PREX1: variants seen among roughly 807,000 people sequenced by gnomAD.
The protein encoded by PREX1 is phosphatidylinositol 3,4,5-trisphosphate-dependent Rac exchanger 1 protein.
In PREX1, 41 loss-of-function variants were observed where a neutral mutation model predicts 198.3. That is an observed-to-expected ratio of 0.21 (90% CI 0.16 to 0.27). The LOEUF is 0.27. Ranked by LOEUF, PREX1 falls within the 10% of genes least tolerant of loss-of-function variation. PREX1 has a pLI of 1.00. For missense variants in PREX1, 1,620 were observed against 2,200.7 expected (o/e 0.74, Z 5.28); for synonymous variants, 843 against 887.2 (o/e 0.95, Z 0.89).
intron 4 of PREX1, among the ~76,000 whole-genome samples, chr20:48,728,009 AC>A (rs2090017494): frequency 6.6e-6 from 1 of 152,168 alleles, no homozygotes; most frequent in South Asian, 2.1e-4. Context: ...AAGTGAATGA[AC>A]TAACCAACTA....
chr20:48,750,548 G>T (rs1317758596), intron 1 of PREX1, among the ~76,000 whole-genome samples: 1 of 151,954 alleles, frequency 6.6e-6, no homozygotes. Context: ...CTATCCACCT[G>T]CCAAATACAC....
intron 1 of PREX1, among the ~76,000 whole-genome samples, chr20:48,749,903 A>AT (rs2090126737): frequency 6.6e-6 from 1 of 151,372 alleles, no homozygotes; most frequent in African/African-American, 2.4e-5. Flanking sequence ...AATGGGTTAA[A>AT]TCCCCTTTTT....
At chr20:48,655,898 C>T (rs1163093919) in intron 18 of PREX1, among the ~76,000 whole-genome samples, 1 of 152,200 alleles carries the variant, frequency 6.6e-6, no homozygotes, top group South Asian at 2.1e-4. Flanking sequence ...CCTGGAGCAT[C>T]AGTACCCTGC....
chr20:48,827,926 C>T lies in PREX1; in HGVS notation c.-66G>A, dbSNP rs1209980202. 5 of 681,444 alleles carry T rather than the reference C, an allele frequency of 7.3e-6. No individual in the cohort carries two copies. Among genetic ancestry groups the T allele is most frequent in the African/African-American group, 2.0e-5 (1 of 50,394 alleles). 42.2% of individuals were successfully genotyped at this position (681,444 alleles called of 1,614,324 possible). ...GAGCGGCAACTCAGGCGTCCAGGCG[C>T]CCCATCCCGGACGGGGCGCGCCGGC... is the stretch of plus-strand genomic sequence containing the variant. On this transcript the variant is annotated 5_prime_UTR_variant, in exon 1 of 40. Transcript: ENST00000371941. This position sits in a 1 kb window ranked among gnomAD's most constrained non-coding sequence, Gnocchi z 4.1.
intron 1 of PREX1, among the ~76,000 whole-genome samples, chr20:48,755,323 C>T (rs1285520586): frequency 1.3e-5 from 2 of 152,140 alleles, no homozygotes; most frequent in Non-Finnish European, 2.9e-5. Flanking sequence ...AGGAATGTGG[C>T]CAAAATTACT....
chr20:48,776,519 C>T (rs1414604258), intron 1 of PREX1, among the ~76,000 whole-genome samples: 4 of 152,206 alleles, frequency 2.6e-5, no homozygotes, highest in African/African-American at 7.2e-5. Flanking sequence ...GTCCACGGGG[C>T]GGGGCTGGGG....
In PREX1 at chr20:48,702,206, T is replaced by TTA. The variant is rs1491423224; in HGVS notation, c.784-1321_784-1320insTA. On this transcript the variant is annotated intron_variant, in intron 6 of 39. Coordinates refer to ENST00000371941, the MANE Select transcript of PREX1 (RefSeq NM_020820.4). ...CTGGGCGACTGAGCAGGACTCTGTC[T>TTA]AAAAAAAAAAAAAAAAAAGATAAAG... is the stretch of plus-strand genomic sequence containing the variant. Among the ~76,000 whole-genome samples, 88 of 122,826 alleles carry TTA rather than the reference T, an allele frequency of 7.2e-4. 2 individuals carry two copies. Among genetic ancestry groups the TTA allele is most frequent in the Non-Finnish European group, 2.9e-4 (17 of 58,216 alleles). 80.6% of individuals were successfully genotyped at this position (122,826 alleles called of 152,430 possible).
chr20:48,804,898 G>A (rs1031113459), intron 1 of PREX1, among the ~76,000 whole-genome samples: 13 of 152,194 alleles, frequency 8.5e-5, no homozygotes, highest in African/African-American at 1.4e-4. Context: ...GAGGAGTGGC[G>A]GGGAGGAGGC....
At chr20:48,658,707 A>G (rs6019349) in intron 16 of PREX1, among the ~76,000 whole-genome samples, 88,322 of 152,110 alleles carry the variant, frequency 0.58, 28,040 homozygotes, top group African/African-American at 0.85. Flanking sequence ...AACTATAAAC[A>G]AATAAACAAA....
intron 1 of PREX1, among the ~76,000 whole-genome samples, chr20:48,752,336 T>C (rs778101061): frequency 6.6e-5 from 10 of 152,244 alleles, no homozygotes; most frequent in Non-Finnish European, 1.5e-4. Flanking sequence ...TTTTTATAAG[T>C]AGCATGCTTT....
intron 1 of PREX1, among the ~76,000 whole-genome samples, chr20:48,796,542 A>G (rs6095298): frequency 0.38 from 57,395 of 151,658 alleles, 11,267 homozygotes; most frequent in Non-Finnish European, 0.42. Context: ...CTTGGAGGCT[A>G]ACATTTCATT....
chr20:48,872,756 T>A, the PREX1 span, among the ~76,000 whole-genome samples: 1 of 151,646 alleles, frequency 6.6e-6, no homozygotes, highest in East Asian at 1.9e-4. Flanking sequence ...AATAAACAAA[T>A]AAATAAATAA....
intron 1 of PREX1, among the ~76,000 whole-genome samples, chr20:48,793,626 C>T (rs1165162631): frequency 2.6e-5 from 4 of 152,130 alleles, no homozygotes; most frequent in South Asian, 2.1e-4. Context: ...GCTGCTTTAC[C>T]GGTCACAGCC....
At chr20:48,804,092 G>A (rs536987148) in intron 1 of PREX1, among the ~76,000 whole-genome samples, 7 of 152,274 alleles carry the variant, frequency 4.6e-5, no homozygotes, top group South Asian at 4.1e-4. Context: ...CGTTTCTGAC[G>A]CCCAGAAGAA....
intron 7 of PREX1, among the ~76,000 whole-genome samples, chr20:48,693,466 G>A (rs1029259100): frequency 2.5e-4 from 38 of 152,304 alleles, no homozygotes; most frequent in African/African-American, 8.4e-4. Flanking sequence ...ACCACGGGAG[G>A]ACACAGCAAG....
chr20:48,881,272 A>G, the PREX1 span, among the ~76,000 whole-genome samples: 2 of 152,074 alleles, frequency 1.3e-5, no homozygotes, highest in Non-Finnish European at 1.5e-5. Context: ...TACATTTAAC[A>G]TTTTTCCATA....
At chr20:48,833,632 A>G in the PREX1 span, among the ~76,000 whole-genome samples, 1 of 152,044 alleles carries the variant, frequency 6.6e-6, no homozygotes, top group Admixed American at 6.5e-5. Context: ...AGTAGAGACA[A>G]GATTTCACCA....
chr20:48,798,565 C>T (rs1194997444), intron 1 of PREX1, among the ~76,000 whole-genome samples: 1 of 152,218 alleles, frequency 6.6e-6, no homozygotes. Context: ...CCCCGCTGCA[C>T]TTAAACTCTG....
intron 28 of PREX1, 22 bp downstream of exon 28, chr20:48,642,385 A>G (rs1455157671): frequency 6.2e-7 from 1 of 1,610,700 alleles, no homozygotes; most frequent in Non-Finnish European, 8.5e-7. Flanking sequence ...AAGTTGCGCC[A>G]GGAGTGGGGC....
Sources: allele counts gnomAD v4.1 joint callset (sites outside exome capture counted in the v4.1 genomes callset), GRCh38; gene constraint gnomAD v4.1.1; non-coding constraint Gnocchi (gnomAD v3.1); transcripts MANE v1.5; gene names NCBI Gene and HGNC (gene_info 2026-07-23, HGNC 2026-07-21).